The following PDZRN3 variants were observed in gnomAD, a reference collection of about 807,000 sequenced individuals.
PDZRN3 encodes PDZ domain containing ring finger 3.
Under a neutral mutation model 85.7 loss-of-function variants are expected in PDZRN3, and 38 were observed. The observed-to-expected ratio is 0.44, with a 90% CI of 0.34 to 0.58. The LOEUF is 0.58. PDZRN3 is among the 20% of genes least tolerant of loss of function. The probability of loss-of-function intolerance (pLI) is 0.01; values close to 1 mark genes in which losing one functional copy is unlikely to be tolerated. For synonymous variants in PDZRN3, 759 were observed against 638.0 expected (o/e 1.19, Z -2.86); for missense variants, 1,629 against 1,506.4 (o/e 1.08, Z -1.35).
rs913646259 is a variant in PDZRN3 at position 73,386,897 on chromosome 3, G to C, written c.1518+1071C>G. Among the ~76,000 whole-genome samples the C allele has an allele frequency of 9.2e-5, 14 of 152,122 alleles. No individual in the cohort carries two copies. The East Asian group carries it at 1.9e-3, about 21-fold the overall frequency. ...TCGGGTTTCATACTGATATGGTTTGGCTGTCCCCACCCAAATCTCACCTTG... is the reference window on the plus strand; with the variant it reads ...TCGGGTTTCATACTGATATGGTTTGCCTGTCCCCACCCAAATCTCACCTTG... On this transcript the variant is annotated intron_variant, in intron 8 of 9. Coordinates refer to ENST00000263666, the MANE Select transcript of PDZRN3 (RefSeq NM_015009.3).
chr3:73,602,072 C>T (rs577376755), intron 3 of PDZRN3, among the ~76,000 whole-genome samples: 34 of 152,282 alleles, frequency 2.2e-4, no homozygotes, highest in East Asian at 3.9e-4. Context: ...CAACGGTTTT[C>T]GCGCGAAACT....
intron 3 of PDZRN3, among the ~76,000 whole-genome samples, chr3:73,409,022 C>T (rs570728584): frequency 1.3e-5 from 2 of 152,268 alleles, no homozygotes; most frequent in African/African-American, 4.8e-5. Context: ...GTTTATGCAG[C>T]TTTAAAACCA....
intron 3 of PDZRN3, among the ~76,000 whole-genome samples, chr3:73,532,461 T>C (rs759253627): frequency 6.6e-6 from 1 of 152,244 alleles, no homozygotes; most frequent in East Asian, 1.9e-4. Context: ...TAACAAATAA[T>C]GGGCACCTAT....
chr3:73,490,609 T>A (rs1211670440), intron 3 of PDZRN3, among the ~76,000 whole-genome samples: 1 of 152,152 alleles, frequency 6.6e-6, no homozygotes, highest in Non-Finnish European at 1.5e-5. Flanking sequence ...ATGTGAGCAA[T>A]GGCAACAAAA....
chr3:73,474,340 T>G (rs758796817), intron 3 of PDZRN3: 15 of 483,198 alleles, frequency 3.1e-5, no homozygotes, highest in Non-Finnish European at 4.9e-5. Context: ...GGAAGTTTAC[T>G]TTACCTATGC....
intron 3 of PDZRN3, among the ~76,000 whole-genome samples, chr3:73,536,401 C>T (rs1327481794): frequency 1.3e-5 from 2 of 152,186 alleles, no homozygotes; most frequent in South Asian, 4.1e-4. Flanking sequence ...TTGTGGTGGT[C>T]CAGAGCCCAC....
rs1447383522 is a variant in PDZRN3, at chr3:73,382,709, A to AACTT, written c.*652_*655dup. 3 of 152,742 alleles carry AACTT rather than the reference A, an allele frequency of 2.0e-5. No individual in the cohort carries two copies. Among genetic ancestry groups the AACTT allele is most frequent in the Non-Finnish European group, 4.4e-5 (3 of 68,054 alleles). 9.5% of individuals were successfully genotyped at this position (152,742 alleles called of 1,614,324 possible). Reference sequence around the variant, plus strand: ...CTGCAATATTTGCAAACATGCTTTAAACTTCCATAAAGATGCAAGATATTT... The same window carrying AACTT: ...CTGCAATATTTGCAAACATGCTTTAAACTTACTTCCATAAAGATGCAAGATATTT... On this transcript the variant is annotated 3_prime_UTR_variant, in exon 10 of 10. Coordinates refer to ENST00000263666, the MANE Select transcript of PDZRN3 (RefSeq NM_015009.3).
intron 3 of PDZRN3, among the ~76,000 whole-genome samples, chr3:73,535,514 C>T (rs770738838): frequency 1.3e-5 from 2 of 152,132 alleles, no homozygotes; most frequent in African/African-American, 2.4e-5. Context: ...TATCAGTGCC[C>T]CTATCCATAT....
rs889398474 is a variant in PDZRN3 at position 73,404,058 on chromosome 3, T to C, written c.1166+90A>G. The C allele has an allele frequency of 1.5e-5, 19 of 1,251,606 alleles. No homozygotes were observed. The African/African-American group carries it at 2.6e-4, about 17-fold the overall frequency. The allele number at this position is 1,251,606 out of a possible 1,614,324, so 77.5% of individuals were successfully genotyped here. ...GGCAACTTGGAGGAAAACTATAGGG[T>C]GCATTAATTTTTTTCACCACATAGA... On this transcript the variant is annotated intron_variant, in intron 4 of 9. Transcript: ENST00000263666.
intron 3 of PDZRN3, among the ~76,000 whole-genome samples, chr3:73,572,099 A>C (rs1575744859): frequency 6.6e-6 from 1 of 152,330 alleles, no homozygotes; most frequent in Admixed American, 6.5e-5. Flanking sequence ...AAGAAAAGCA[A>C]GCTGGAGTGA....
intron 3 of PDZRN3, chr3:73,407,933 G>A (rs1701886929): frequency 1.0e-5 from 6 of 580,992 alleles, no homozygotes; most frequent in South Asian, 8.5e-5. Context: ...AGAGGGAAGA[G>A]CAGTAGCAAC....
chr3:73,526,725 T>A (rs1014829187), intron 3 of PDZRN3, among the ~76,000 whole-genome samples: 1 of 152,188 alleles, frequency 6.6e-6, no homozygotes, highest in Non-Finnish European at 1.5e-5. Context: ...TCTCAGTCTG[T>A]TGCGCAGGCT....
In PDZRN3 at chr3:73,489,575, C is replaced by CTTTTTTTTTTTTTTTTTTTTTTTT. The variant is rs371602592; in HGVS notation, c.919-85181_919-85180insAAAAAAAAAAAAAAAAAAAAAAAA. Among the ~76,000 whole-genome samples the CTTTTTTTTTTTTTTTTTTTTTTTT allele has an allele frequency of 2.9e-4, 23 of 80,110 alleles. 3 individuals are homozygous for CTTTTTTTTTTTTTTTTTTTTTTTT. Among genetic ancestry groups the CTTTTTTTTTTTTTTTTTTTTTTTT allele is most frequent in the African/African-American group, 4.8e-4 (10 of 20,784 alleles). The allele number at this position is 80,110 out of a possible 152,430, so 52.6% of individuals were successfully genotyped here. A position where few individuals can be genotyped will look rare whatever the true frequency, so the allele number is the denominator to read the frequency against. ...GCCATGCATATGGGCAGTTTCTTTT[C>CTTTTTTTTTTTTTTTTTTTTTTTT]TTTTTTTTTTTTTTTGAGATGGAGT... On this transcript the variant is annotated intron_variant, in intron 3 of 9. Transcript: ENST00000263666.
intron 3 of PDZRN3, among the ~76,000 whole-genome samples, chr3:73,509,864 C>T (rs1037451485): frequency 6.6e-6 from 1 of 152,254 alleles, no homozygotes; most frequent in Non-Finnish European, 1.5e-5. Context: ...TGAAAACCCA[C>T]TGCAAATGTT....
rs1186184481 is a variant in PDZRN3, at chr3:73,624,133, G to A, written c.693C>T (p.Ser231=). The A allele has an allele frequency of 3.4e-6, 5 of 1,479,802 alleles. No homozygotes were observed. The highest frequency in any genetic ancestry group is 4.5e-6 in the Non-Finnish European group (5 of 1,121,684). 91.7% of individuals were successfully genotyped at this position (1,479,802 alleles called of 1,614,324 possible). Reference sequence around the variant, plus strand: ...CGCCGGGCGGCGCGGCCACGCAGCGGCTGAGCGAGTCGAGGCGCGCGCTGT... The same window carrying A: ...CGCCGGGCGGCGCGGCCACGCAGCGACTGAGCGAGTCGAGGCGCGCGCTGT... ...TEYSARLDSL[S]RCVAAPPGGK... is the part of the protein sequence containing the mutation. The change falls in exon 1 of 10, where the codon AGC becomes AGT. Residue 231 remains serine, a synonymous_variant. Transcript: ENST00000263666.
At chr3:73,415,438 T>C (rs578047125) in intron 3 of PDZRN3, among the ~76,000 whole-genome samples, 5 of 152,308 alleles carry the variant, frequency 3.3e-5, no homozygotes, top group African/African-American at 1.2e-4. Flanking sequence ...ACTTTGTTTT[T>C]AAAAAATATT....
intron 1 of PDZRN3, 114 bp downstream of exon 1, chr3:73,623,989 G>A: frequency 9.4e-7 from 1 of 1,059,146 alleles, no homozygotes; most frequent in Non-Finnish European, 1.3e-6. Flanking sequence ...GAAGAGGGAG[G>A]AAGCAAGGAT....
At chr3:73,436,804 T>C (rs11718588) in intron 3 of PDZRN3, among the ~76,000 whole-genome samples, 6,536 of 152,016 alleles carry the variant, frequency 0.043, 189 homozygotes, top group East Asian at 0.1. Flanking sequence ...TCCCAGCACT[T>C]TGGGAGGCTG....
At chr3:73,414,342 T>C (rs1702033666) in intron 3 of PDZRN3, among the ~76,000 whole-genome samples, 1 of 152,236 alleles carries the variant, frequency 6.6e-6, no homozygotes, top group Admixed American at 6.5e-5. Flanking sequence ...CTAAAGTTGA[T>C]TCACTGTAAA....
Sources: allele counts gnomAD v4.1 joint callset (sites outside exome capture counted in the v4.1 genomes callset), GRCh38; gene constraint gnomAD v4.1.1; transcripts MANE v1.5; gene names NCBI Gene and HGNC (gene_info 2026-07-23, HGNC 2026-07-21).